GREM2: variants seen among roughly 807,000 people sequenced by gnomAD.
GREM2 encodes the protein gremlin 2, DAN family BMP antagonist, also known as gremlin-2.
Under a neutral mutation model 14.2 loss-of-function variants are expected in GREM2, and 11 were observed. The observed-to-expected ratio is 0.78, with a 90% CI of 0.49 to 1.28. The LOEUF (loss-of-function observed/expected upper bound fraction) is 1.28, where lower values mean the gene tolerates loss of function less well. Among genes scored for constraint, GREM2 ranks in the 50% most tolerant of loss-of-function variants. The pLI is 0.00. For synonymous variants in GREM2, 98 were observed against 97.6 expected, an observed-to-expected ratio of 1.00 and a Z score of -0.02; for missense variants, 210 against 218.5, an observed-to-expected ratio of 0.96 and a Z score of 0.24.
chr1:240,510,418 A>G (rs1370443500), intron 1 of GREM2, among the ~76,000 whole-genome samples: 1 of 147,320 alleles, frequency 6.8e-6, no homozygotes, highest in African/African-American at 2.5e-5. Context: ...TATCCGGAAT[A>G]TGTCAATCCA....
intron 1 of GREM2, among the ~76,000 whole-genome samples, chr1:240,611,549 A>G (rs1431882143): frequency 6.6e-6 from 1 of 151,902 alleles, no homozygotes; most frequent in Non-Finnish European, 1.5e-5. Context: ...CGCTATAGTC[A>G]TGATTAGAAT....
chr1:240,559,144 T>C (rs1163307344), intron 1 of GREM2, among the ~76,000 whole-genome samples: 3 of 152,182 alleles, frequency 2.0e-5, no homozygotes, highest in Non-Finnish European at 4.4e-5. Context: ...ACTATATTAA[T>C]GAATTTCTCG....
At chr1:240,508,732 C>T (rs1221326848) in intron 1 of GREM2, among the ~76,000 whole-genome samples, 3 of 152,118 alleles carry the variant, frequency 2.0e-5, no homozygotes, top group Non-Finnish European at 4.4e-5. Context: ...ATTCAATAAA[C>T]GACTTTCTTT....
intron 1 of GREM2, among the ~76,000 whole-genome samples, chr1:240,583,987 C>G (rs1429754677): frequency 6.6e-6 from 1 of 152,078 alleles, no homozygotes; most frequent in Non-Finnish European, 1.5e-5. Flanking sequence ...CTGTCCCCTC[C>G]CCACACAAGG....
intron 1 of GREM2, among the ~76,000 whole-genome samples, chr1:240,516,176 G>T (rs1677952571): frequency 6.6e-6 from 1 of 150,920 alleles, no homozygotes; most frequent in Admixed American, 6.6e-5. Context: ...GCCCAGGCTG[G>T]CCTCAAACTC....
Position 240,507,983 on chromosome 1 carries a change from T to C in GREM2, c.-1-14507A>G, listed in dbSNP as rs191042551. 3.9e-5 allele frequency among the ~76,000 whole-genome samples: 6 copies of C among 152,320 alleles called. No homozygotes were observed. In the East Asian group the frequency reaches 1.2e-3, roughly 29 times the overall value. On this transcript the variant is annotated intron_variant, in intron 1 of 1. Coordinates refer to ENST00000318160, the MANE Select transcript of GREM2 (RefSeq NM_022469.4). ...GGAAAGTGTTTTCTGACCCACAGCA[T>C]TGGGAACCCAAGATACATCATCCTG...
chr1:240,583,554 C>T (rs1185638660), intron 1 of GREM2, among the ~76,000 whole-genome samples: 2 of 151,562 alleles, frequency 1.3e-5, no homozygotes, highest in African/African-American at 4.8e-5. Context: ...TTCTAAATCA[C>T]GTTCTTCTCT....
intron 1 of GREM2, among the ~76,000 whole-genome samples, chr1:240,503,970 T>C (rs932429984): frequency 6.6e-6 from 1 of 152,226 alleles, no homozygotes. Flanking sequence ...AATTTATGAA[T>C]GAATGAAGGA....
intron 1 of GREM2, among the ~76,000 whole-genome samples, chr1:240,504,844 A>G (rs2103281898): frequency 6.6e-6 from 1 of 152,308 alleles, no homozygotes; most frequent in South Asian, 2.1e-4. Flanking sequence ...AAATCAAGAC[A>G]TTGCTGTTAA....
At chr1:240,512,148 A>G (rs1351369670) in intron 1 of GREM2, among the ~76,000 whole-genome samples, 3 of 152,238 alleles carry the variant, frequency 2.0e-5, no homozygotes, top group Admixed American at 2.0e-4. Flanking sequence ...ATGCAAGGGA[A>G]TAGTGAAGGA....
chr1:240,575,030 G>A (rs957666474), intron 1 of GREM2, among the ~76,000 whole-genome samples: 8 of 151,906 alleles, frequency 5.3e-5, no homozygotes, highest in Non-Finnish European at 1.0e-4. Flanking sequence ...TTGGTTGAAC[G>A]TGGGAGGCGG....
At chr1:240,571,398 T>G (rs1427546061) in intron 1 of GREM2, among the ~76,000 whole-genome samples, 1 of 152,138 alleles carries the variant, frequency 6.6e-6, no homozygotes, top group African/African-American at 2.4e-5. Context: ...TTGGGACTAC[T>G]CTATAGAAAA....
chr1:240,561,295 T>G (rs1257190437), intron 1 of GREM2, among the ~76,000 whole-genome samples: 1 of 152,188 alleles, frequency 6.6e-6, no homozygotes, highest in Non-Finnish European at 1.5e-5. Flanking sequence ...ATTAATTGAA[T>G]GCAGAAAGCT....
chr1:240,525,184 G>A (rs1317873775), intron 1 of GREM2, among the ~76,000 whole-genome samples: 3 of 152,126 alleles, frequency 2.0e-5, no homozygotes, highest in African/African-American at 4.8e-5. Context: ...CACTTACTGC[G>A]CAAGAAATGT....
At chr1:240,558,016 T>C (rs913719390) in intron 1 of GREM2, among the ~76,000 whole-genome samples, 1 of 152,206 alleles carries the variant, frequency 6.6e-6, no homozygotes, top group African/African-American at 2.4e-5. Context: ...TTGTGAATCA[T>C]GCATACATAT....
intron 1 of GREM2, among the ~76,000 whole-genome samples, chr1:240,519,002 C>T (rs905311461): frequency 6.6e-6 from 1 of 152,124 alleles, no homozygotes; most frequent in African/African-American, 2.4e-5. Context: ...ATTTCAGGAA[C>T]TGATTCATTA....
chr1:240,583,872 G>C (rs1679538888), intron 1 of GREM2, among the ~76,000 whole-genome samples: 1 of 151,998 alleles, frequency 6.6e-6, no homozygotes, highest in Non-Finnish European at 1.5e-5. Flanking sequence ...AAAGTGCTGG[G>C]ATTACAGGCA....
At chr1:240,588,436 G>C (rs527398284) in intron 1 of GREM2, 3 of 152,306 alleles carry the variant, frequency 2.0e-5, no homozygotes, top group African/African-American at 7.2e-5. Flanking sequence ...GTTGTGGCCT[G>C]TGTCTATTGC....
chr1:240,560,623 C>A (rs1679020049), intron 1 of GREM2, among the ~76,000 whole-genome samples: 1 of 152,092 alleles, frequency 6.6e-6, no homozygotes, highest in African/African-American at 2.4e-5. Context: ...CCTCGAGAAA[C>A]AAATTAAAAT....
Sources: gnomAD v4.1 joint callset for allele counts (sites outside exome capture counted in the v4.1 genomes callset) on GRCh38, gnomAD v4.1.1 for gene constraint, MANE v1.5 for transcripts, NCBI Gene and HGNC (gene_info 2026-07-23, HGNC 2026-07-21) for gene names.